The following OSBPL1A variants were observed in gnomAD, a reference collection of about 807,000 sequenced individuals.
OSBPL1A encodes oxysterol binding protein like 1A.
In OSBPL1A, 80 loss-of-function variants were observed where a neutral mutation model predicts 137.1. The observed-to-expected ratio is 0.58, with a 90% CI of 0.49 to 0.70. The LOEUF is 0.70. Ranked by LOEUF, OSBPL1A falls within the 30% of genes least tolerant of loss-of-function variation. The probability of loss-of-function intolerance (pLI) is 0.00; values close to 1 mark genes in which losing one functional copy is unlikely to be tolerated. For missense variants in OSBPL1A, 970 were observed against 1,129.4 expected, an observed-to-expected ratio of 0.86 and a Z score of 2.02; for synonymous variants, 365 against 389.7, an observed-to-expected ratio of 0.94 and a Z score of 0.75.
intron 15 of OSBPL1A, among the ~76,000 whole-genome samples, chr18:24,248,098 A>C (rs2088958273): frequency 6.6e-6 from 1 of 152,222 alleles, no homozygotes; most frequent in African/African-American, 2.4e-5. Flanking sequence ...GTCCATCCTT[A>C]GTTGCAGGAG....
intron 16 of OSBPL1A, 119 bp from the exon 17 acceptor site, chr18:24,225,317 A>G: frequency 9.9e-7 from 1 of 1,012,798 alleles, no homozygotes; most frequent in South Asian, 1.6e-5. Flanking sequence ...TTGTCCCTCA[A>G]CAATCCATCT....
At chr18:24,293,283 A>G (rs2090220826) in intron 14 of OSBPL1A, among the ~76,000 whole-genome samples, 1 of 152,226 alleles carries the variant, frequency 6.6e-6, no homozygotes, top group East Asian at 1.9e-4. Flanking sequence ...AGTATTGCTA[A>G]GCCCAGCAAG....
intron 17 of OSBPL1A, among the ~76,000 whole-genome samples, chr18:24,210,663 T>C (rs780893581): frequency 1.3e-5 from 2 of 151,748 alleles, no homozygotes; most frequent in African/African-American, 2.4e-5. Context: ...GCCTCCCAAG[T>C]AGCTGGGACC....
intron 15 of OSBPL1A, among the ~76,000 whole-genome samples, chr18:24,259,691 T>C (rs1360205664): frequency 6.6e-6 from 1 of 152,036 alleles, no homozygotes; most frequent in Non-Finnish European, 1.5e-5. Context: ...GGGTTTGGGG[T>C]TTTTTGCTTG....
intron 21 of OSBPL1A, among the ~76,000 whole-genome samples, chr18:24,174,534 T>C (rs1284543876): frequency 1.3e-5 from 2 of 152,164 alleles, no homozygotes; most frequent in African/African-American, 4.8e-5. Context: ...AATCTGAAAA[T>C]ATTCAAAATC....
In OSBPL1A at chr18:24,320,103, G is replaced by A. The variant is rs76920447; in HGVS notation, c.626-1294C>T. 1.3e-3 allele frequency among the ~76,000 whole-genome samples: 204 copies of A among 152,136 alleles called. 3 individuals are homozygous for A. In the East Asian group the frequency reaches 0.033, roughly 25 times the overall value. ...TCTGTCTCTAAAAACAAAAAGGGGG[G>A]CTGGGGGTGGTTTAAAATAATAATA... On this transcript the variant is annotated intron_variant, in intron 7 of 27. Transcript: ENST00000319481.
chr18:24,307,899 C>T (rs1415573515), intron 13 of OSBPL1A, among the ~76,000 whole-genome samples: 1 of 151,338 alleles, frequency 6.6e-6, no homozygotes, highest in East Asian at 2.0e-4. Context: ...AAGTGATTCT[C>T]GTGCCTCAGG....
At chr18:24,245,528 G>A (rs759866351) in intron 15 of OSBPL1A, among the ~76,000 whole-genome samples, 3 of 152,178 alleles carry the variant, frequency 2.0e-5, no homozygotes, top group Non-Finnish European at 4.4e-5. Flanking sequence ...GCTAGTAAGA[G>A]CTCTTCTGCA....
Position 24,198,430 on chromosome 18 carries a change from T to C in OSBPL1A, c.1602-2230A>G, listed in dbSNP as rs546363377. On this transcript the variant is annotated intron_variant, in intron 17 of 27. Coordinates refer to ENST00000319481, the MANE Select transcript of OSBPL1A (RefSeq NM_080597.4). ...AACTTTCTGTGATTTTATGAGAATG[T>C]AATCATTACTCATTTATAAGGAAGT... Among the ~76,000 whole-genome samples, 5 of 152,324 alleles carry C rather than the reference T, an allele frequency of 3.3e-5. No individual in the cohort carries two copies. The South Asian group carries it at 8.3e-4, about 25-fold the overall frequency.
intron 4 of OSBPL1A, among the ~76,000 whole-genome samples, chr18:24,345,699 A>G (rs941430639): frequency 6.6e-6 from 1 of 152,040 alleles, no homozygotes; most frequent in Non-Finnish European, 1.5e-5. Flanking sequence ...AAAAAAAAGT[A>G]GTTGATAAAG....
chr18:24,190,790 T>C (rs934418952), intron 18 of OSBPL1A, among the ~76,000 whole-genome samples: 8 of 152,260 alleles, frequency 5.3e-5, no homozygotes, highest in Non-Finnish European at 1.2e-4. Context: ...ACTGTTGTCA[T>C]GGTGGCATAT....
chr18:24,163,368 T>C, intron 27 of OSBPL1A, 87 bp from the exon 28 acceptor site: 1 of 919,298 alleles, frequency 1.1e-6, no homozygotes, highest in Middle Eastern at 2.2e-4. Context: ...ATTATTCTAT[T>C]GCAGCAACTC....
At chr18:24,395,624 T>C (rs868281409) in intron 1 of OSBPL1A, among the ~76,000 whole-genome samples, 2 of 152,008 alleles carry the variant, frequency 1.3e-5, no homozygotes, top group Non-Finnish European at 2.9e-5. Flanking sequence ...AATTTTTTTT[T>C]TTCTTTTTTT....
intron 4 of OSBPL1A, among the ~76,000 whole-genome samples, chr18:24,353,313 A>G (rs1414317547): frequency 6.6e-6 from 1 of 152,236 alleles, no homozygotes; most frequent in East Asian, 1.9e-4. Flanking sequence ...AAACACATGA[A>G]AAAATGCTCA....
chr18:24,322,931 C>T (rs953083143), intron 7 of OSBPL1A, among the ~76,000 whole-genome samples: 5 of 152,068 alleles, frequency 3.3e-5, no homozygotes, highest in African/African-American at 4.8e-5. Context: ...AAGTGAAAAA[C>T]AGGAATGATG....
chr18:24,319,837 G>A (rs755411253), intron 7 of OSBPL1A, among the ~76,000 whole-genome samples: 6 of 152,100 alleles, frequency 3.9e-5, no homozygotes, highest in Non-Finnish European at 8.8e-5. Flanking sequence ...GCAGGAAGGT[G>A]ATATATTCTA....
chr18:24,350,491 T>C (rs945999325), intron 4 of OSBPL1A, among the ~76,000 whole-genome samples: 1 of 152,164 alleles, frequency 6.6e-6, no homozygotes, highest in Non-Finnish European at 1.5e-5. Context: ...AGGGTCTCAC[T>C]ATATTGCCCA....
intron 17 of OSBPL1A, among the ~76,000 whole-genome samples, chr18:24,200,226 G>A (rs2087177571): frequency 6.6e-6 from 1 of 152,088 alleles, no homozygotes; most frequent in Non-Finnish European, 1.5e-5. Flanking sequence ...TTTAATGGAA[G>A]AACAGTTTCT....
chr18:24,333,203 G>T, intron 6 of OSBPL1A, 117 bp from the exon 7 acceptor site: 1 of 1,135,906 alleles, frequency 8.8e-7, no homozygotes, highest in Non-Finnish European at 1.2e-6. Context: ...TTGGCATCCA[G>T]GCTGTTAGTG....
Sources: allele counts gnomAD v4.1 joint callset (sites outside exome capture counted in the v4.1 genomes callset), GRCh38; gene constraint gnomAD v4.1.1; transcripts MANE v1.5; gene names NCBI Gene and HGNC (gene_info 2026-07-23, HGNC 2026-07-21).